PLCB4: variants seen among roughly 807,000 people sequenced by gnomAD.
PLCB4 encodes the protein 1-phosphatidylinositol 4,5-bisphosphate phosphodiesterase beta-4.
A neutral mutation model predicts 178.8 loss-of-function variants in PLCB4; 77 were observed. The ratio of observed to expected loss-of-function variants is 0.43; its 90% CI spans 0.36 to 0.52. The LOEUF is 0.52. Ranked by LOEUF, PLCB4 falls within the 20% of genes least tolerant of loss-of-function variation. The pLI, the probability that PLCB4 is intolerant of heterozygous loss-of-function variation, is 0.00. For synonymous variants in PLCB4, 496 were observed against 490.8 expected (o/e 1.01, Z -0.14); for missense variants, 1,024 against 1,453.4 (o/e 0.70, Z 4.80).
At chr20:9,379,786 T>TTA (rs2036982521) in intron 12 of PLCB4, among the ~76,000 whole-genome samples, 2 of 152,126 alleles carry the variant, frequency 1.3e-5, no homozygotes, top group Admixed American at 1.3e-4. Context: ...CATGCACACT[T>TTA]TATTATGTAT....
intron 19 of PLCB4, among the ~76,000 whole-genome samples, chr20:9,397,159 T>A (rs1037961487): frequency 6.6e-6 from 1 of 152,222 alleles, no homozygotes; most frequent in Non-Finnish European, 1.5e-5. Context: ...AATCCTGTGT[T>A]GTCATTTCAA....
chr20:9,130,980 A>T (rs561560234), intron 2 of PLCB4, among the ~76,000 whole-genome samples: 3 of 152,176 alleles, frequency 2.0e-5, no homozygotes, highest in Non-Finnish European at 4.4e-5. Context: ...AGCCTCTTGC[A>T]TGTCCATGGG....
chr20:9,435,555 C>T lies in PLCB4; in HGVS notation c.2525-5C>T, dbSNP rs1328632800. The stretch of plus-strand genomic sequence containing the variant: ...AACGGCTCATTGGGTTTTTTTTTCC[C>T]CTAGATATCGTGGATGCTTTATCAG... On this transcript the variant is annotated splice_polypyrimidine_tract_variant and splice_region_variant and intron_variant, in intron 28 of 39. Transcript: ENST00000378473. The T allele has an allele frequency of 6.4e-7, 1 of 1,561,326 alleles. No homozygotes were observed. The highest frequency in any genetic ancestry group is 1.7e-5 in the Admixed American group (1 of 58,814).
chr20:9,109,643 A>T (rs2091503340), intron 2 of PLCB4, among the ~76,000 whole-genome samples: 1 of 152,178 alleles, frequency 6.6e-6, no homozygotes, highest in African/African-American at 2.4e-5. Flanking sequence ...TTCTGATATC[A>T]GTCAAAAATT....
chr20:9,373,123 T>A lies in PLCB4; in HGVS notation c.744+19T>A. 7.8e-7 allele frequency: 1 copy of A among 1,280,610 alleles called. No homozygotes were observed. Among genetic ancestry groups the A allele is most frequent in the Non-Finnish European group, 1.1e-6 (1 of 881,250 alleles). The allele number at this position is 1,280,610 out of a possible 1,614,324, so 79.3% of individuals were successfully genotyped here. ...AAATGAAGTAAGCTTTTTCATACAT[T>A]AACTCCATAAAGTCTGTGTGCAGTG... On this transcript the variant is annotated intron_variant, in intron 12 of 39. Coordinates refer to ENST00000378473, the MANE Select transcript of PLCB4 (RefSeq NM_001377142.1).
At chr20:9,337,513 G>T (rs1022440759) in intron 5 of PLCB4, among the ~76,000 whole-genome samples, 3 of 152,112 alleles carry the variant, frequency 2.0e-5, no homozygotes, top group Non-Finnish European at 2.9e-5. Flanking sequence ...AAAGAAATCT[G>T]CCAGAAGAAG....
chr20:9,290,501 G>A (rs909125186), intron 3 of PLCB4, among the ~76,000 whole-genome samples: 5 of 152,064 alleles, frequency 3.3e-5, no homozygotes, highest in Non-Finnish European at 7.4e-5. Context: ...TATAAGCAAT[G>A]GAAGCAAACA....
intron 3 of PLCB4, among the ~76,000 whole-genome samples, chr20:9,234,765 A>G (rs1488925999): frequency 6.6e-6 from 1 of 152,136 alleles, no homozygotes; most frequent in African/African-American, 2.4e-5. Context: ...TAATTTTATC[A>G]TTGAGAAAGG....
At chr20:9,435,195 A>T (rs1365077523) in intron 28 of PLCB4, among the ~76,000 whole-genome samples, 1 of 152,340 alleles carries the variant, frequency 6.6e-6, no homozygotes, top group South Asian at 2.1e-4. Context: ...TAATTTCCAG[A>T]TAAAGAAACT....
At chr20:9,416,089 A>G (rs2040223924) in intron 25 of PLCB4, among the ~76,000 whole-genome samples, 1 of 152,218 alleles carries the variant, frequency 6.6e-6, no homozygotes, top group African/African-American at 2.4e-5. Flanking sequence ...CAAGTATACA[A>G]AATGAACCCA....
intron 3 of PLCB4, among the ~76,000 whole-genome samples, chr20:9,231,273 G>A (rs1187607479): frequency 6.6e-6 from 1 of 152,152 alleles, no homozygotes; most frequent in Non-Finnish European, 1.5e-5. Flanking sequence ...CTCCATGGAT[G>A]AGGTAGCCCA....
At chr20:9,361,838 G>A (rs1484865410) in intron 7 of PLCB4, among the ~76,000 whole-genome samples, 2 of 152,114 alleles carry the variant, frequency 1.3e-5, no homozygotes, top group Non-Finnish European at 2.9e-5. Context: ...TATCTGCACT[G>A]TCTGAGCCAT....
intron 19 of PLCB4, among the ~76,000 whole-genome samples, chr20:9,396,821 A>G (rs1426680360): frequency 6.6e-6 from 1 of 152,246 alleles, no homozygotes; most frequent in Non-Finnish European, 1.5e-5. Flanking sequence ...ATGTCCAAAA[A>G]TGTAACTTAA....
chr20:9,310,094 A>G (rs1258378332), intron 4 of PLCB4, among the ~76,000 whole-genome samples: 2 of 152,242 alleles, frequency 1.3e-5, no homozygotes, highest in Non-Finnish European at 2.9e-5. Flanking sequence ...AAGCTGGATG[A>G]CAGCCAGTTT....
intron 15 of PLCB4, 62 bp downstream of exon 15, chr20:9,387,618 G>T: frequency 1.4e-6 from 1 of 715,842 alleles, no homozygotes. Flanking sequence ...GAAATAGGGA[G>T]ATGGAGAAGA....
In PLCB4 at chr20:9,296,710, G is replaced by A. The variant is rs185598618; in HGVS notation, c.-15-11090G>A. 6.3e-3 allele frequency among the ~76,000 whole-genome samples: 966 copies of A among 152,258 alleles called. 10 individuals carry two copies. The highest frequency in any genetic ancestry group is 8.9e-3 in the Non-Finnish European group (603 of 68,018). On this transcript the variant is annotated intron_variant, in intron 3 of 39. Transcript: ENST00000378473. ...AGGATGAGTTCATGTCCTTTGTAGG[G>A]ACATGGATGAAGCTGGAAACCATCA...
chr20:9,372,288 T>G lies in PLCB4; in HGVS notation c.586-15T>G. On this transcript the variant is annotated splice_polypyrimidine_tract_variant and intron_variant, in intron 10 of 39. Coordinates refer to ENST00000378473, the MANE Select transcript of PLCB4 (RefSeq NM_001377142.1). ...AACGGTTCTGTGATTCATAACATGATTTTATTCCTTACAGAATGATGAAAT... is the reference window on the plus strand; with the variant it reads ...AACGGTTCTGTGATTCATAACATGAGTTTATTCCTTACAGAATGATGAAAT... 2.1e-6 allele frequency: 3 copies of G among 1,432,432 alleles called. No individual in the cohort carries two copies. The highest frequency in any genetic ancestry group is 2.9e-6 in the Non-Finnish European group (3 of 1,019,090). The allele number at this position is 1,432,432 out of a possible 1,614,324, so 88.7% of individuals were successfully genotyped here.
At chr20:9,244,543 A>G (rs2147437993) in intron 3 of PLCB4, among the ~76,000 whole-genome samples, 1 of 152,330 alleles carries the variant, frequency 6.6e-6, no homozygotes, top group East Asian at 1.9e-4. Flanking sequence ...TTGGCCCCAT[A>G]CAATACATAA....
chr20:9,388,083 G>C (rs1281721453), intron 15 of PLCB4, among the ~76,000 whole-genome samples: 1 of 151,826 alleles, frequency 6.6e-6, no homozygotes, highest in Admixed American at 6.6e-5. Flanking sequence ...TACCAAAAAT[G>C]CAAAATTAGC....
Sources: allele counts gnomAD v4.1 joint callset (sites outside exome capture counted in the v4.1 genomes callset), GRCh38; gene constraint gnomAD v4.1.1; transcripts MANE v1.5; gene names NCBI Gene and HGNC (gene_info 2026-07-23, HGNC 2026-07-21).